The following DCTPP1 variants were observed in gnomAD, a reference collection of about 807,000 sequenced individuals.
The protein encoded by DCTPP1 is dCTP pyrophosphatase 1.
DCTPP1 carries 8 observed loss-of-function variants against 8.8 expected under a neutral mutation model. That is an observed-to-expected ratio of 0.91 (90% CI 0.54 to 1.64). The LOEUF (loss-of-function observed/expected upper bound fraction) is 1.64, where lower values mean the gene tolerates loss of function less well. Among genes scored for constraint, DCTPP1 ranks in the 40% most tolerant of loss-of-function variants. The pLI, the probability that DCTPP1 is intolerant of heterozygous loss-of-function variation, is 0.00. For synonymous variants in DCTPP1, 85 were observed against 92.1 expected (o/e 0.92, Z 0.44); for missense variants, 231 against 230.4 (o/e 1.00, Z -0.02).
At chr16:30,429,730 T>C in intron 1 of DCTPP1, 150 bp downstream of exon 1, 1 of 692,768 alleles carries the variant, frequency 1.4e-6, no homozygotes, top group Non-Finnish European at 2.3e-6. Flanking sequence ...ATTTTGCAGA[T>C]GAGGTAAGAA....
chr16:30,425,644 C>G (rs1262109965), intron 2 of DCTPP1, among the ~76,000 whole-genome samples: 1 of 152,130 alleles, frequency 6.6e-6, no homozygotes, highest in African/African-American at 2.4e-5. Flanking sequence ...AACCCCATCT[C>G]TACAGAAAAT....
Position 30,429,965 on chromosome 16 carries a change from C to T in DCTPP1, c.16G>A (p.Gly6Arg). 6.4e-7 allele frequency: 1 copy of T among 1,573,578 alleles called. No homozygotes were observed. The highest frequency in any genetic ancestry group is 8.6e-7 in the Non-Finnish European group (1 of 1,161,040). Residue 6 changes from glycine to arginine, a missense_variant, in exon 1 of 3, where the codon GGG (glycine) becomes AGG (arginine). By Grantham distance (125) the Gly-to-Arg change is moderately radical. Coordinates refer to ENST00000319285, the MANE Select transcript of DCTPP1 (RefSeq NM_024096.2). MSVAGGEIRGDTGGED... is the reference protein window; with the variant it reads MSVAGREIRGDTGGED... ...CCCCCCGTGTCCCCACGAATCTCCC[C>T]ACCGGCCACAGACATGCCGCCCACC... is the stretch of plus-strand genomic sequence containing the variant.
At chr16:30,427,761 G>A (rs1346891716) in intron 2 of DCTPP1, among the ~76,000 whole-genome samples, 10 of 152,176 alleles carry the variant, frequency 6.6e-5, no homozygotes, top group Admixed American at 6.5e-4. Context: ...GGGATGGTGA[G>A]GCAAGTGAAT....
Position 30,429,129 on chromosome 16 carries a change from C to T in DCTPP1, c.140G>A (p.Trp47Ter), listed in dbSNP as rs773357649. 2 of 1,614,042 alleles carry T rather than the reference C, an allele frequency of 1.2e-6. No individual in the cohort carries two copies. The highest frequency in any genetic ancestry group is 1.7e-6 in the Non-Finnish European group (2 of 1,179,980). Residue 47 changes from tryptophan to a stop codon, truncating the protein, a stop_gained, in exon 2 of 3, where the codon TGG (tryptophan) becomes TAG (stop). Transcript: ENST00000319285. LOFTEE classifies it high-confidence loss of function. ...ATTCCGAGGCTGATGGAACTGTTCC[C>T]AGTCTCGTTCCGCAGCAAACTCAGC... ...LHAEFAAERDWEQFHQPRNLL... is the reference protein window; with the variant it reads ...LHAEFAAERD
chr16:30,430,017 C>T lies in DCTPP1; in HGVS notation c.-37G>A. On this transcript the variant is annotated 5_prime_UTR_variant, in exon 1 of 3. Coordinates refer to ENST00000319285, the MANE Select transcript of DCTPP1 (RefSeq NM_024096.2). The stretch of plus-strand genomic sequence containing the variant: ...CTGCACCGCGACTTCACGGAAAACC[C>T]ACGAGCCACGCTCGAAGCCCCGCCT... 6 of 1,426,320 alleles carry T rather than the reference C, an allele frequency of 4.2e-6. No individual in the cohort carries two copies. Among genetic ancestry groups the T allele is most frequent in the Non-Finnish European group, 5.5e-6 (6 of 1,087,036 alleles). The allele number at this position is 1,426,320 out of a possible 1,614,324, so 88.4% of individuals were successfully genotyped here. A position where few individuals can be genotyped will look rare whatever the true frequency, so the allele number is the denominator to read the frequency against.
Position 30,429,086 on chromosome 16 carries a change from A to T in DCTPP1, c.183T>A (p.Val61=), listed in dbSNP as rs369795540. 1 of 1,613,764 alleles carries T rather than the reference A, an allele frequency of 6.2e-7. No homozygotes were observed. Among genetic ancestry groups the T allele is most frequent in the African/African-American group, 1.3e-5 (1 of 74,994 alleles). ...GTTCTGCCAGCTCCCCCACTTCCCCAACCAAGGCCAGGAGGAGATTCCGAG... is the reference window on the plus strand; with the variant it reads ...GTTCTGCCAGCTCCCCCACTTCCCCTACCAAGGCCAGGAGGAGATTCCGAG... ...HQPRNLLLAL[V]GEVGELAELF... is the part of the protein sequence containing the mutation. Residue 61 remains valine (V), a synonymous_variant, in exon 2 of 3, where the codon GTT becomes GTA. Transcript: ENST00000319285.
In DCTPP1 at chr16:30,429,961, T is replaced by TC; in HGVS notation, c.19dup (p.Glu7GlyfsTer34). 6.4e-7 allele frequency: 1 copy of TC among 1,572,690 alleles called. No homozygotes were observed. Among genetic ancestry groups the TC allele is most frequent in the Non-Finnish European group, 8.6e-7 (1 of 1,161,042 alleles). ...CTCTCCCCCCGTGTCCCCACGAATC[T>TC]CCCCACCGGCCACAGACATGCCGCC... On this transcript the variant is annotated frameshift_variant, in exon 1 of 3. Coordinates refer to ENST00000319285, the MANE Select transcript of DCTPP1 (RefSeq NM_024096.2). LOFTEE classifies it high-confidence loss of function.
chr16:30,427,184 G>A (rs1339588577), intron 2 of DCTPP1, among the ~76,000 whole-genome samples: 1 of 146,104 alleles, frequency 6.8e-6, no homozygotes, highest in Non-Finnish European at 1.5e-5. Flanking sequence ...TAATTTTTTT[G>A]TATTTTTAGT....
rs199517315 is a variant in DCTPP1, at chr16:30,424,421, G to A, written c.325C>T (p.Arg109Cys). The A allele has an allele frequency of 1.7e-5, 28 of 1,614,172 alleles. No individual in the cohort carries two copies. Among genetic ancestry groups the A allele is most frequent in the African/African-American group, 1.6e-4 (12 of 75,042 alleles). ...VLIYLVALAARCRVDLPLAVL... is the reference protein window; with the variant it reads ...VLIYLVALAACCRVDLPLAVL... ...GCTAGCGGCAGATCCACACGGCAGCGGGCTGCTAATGCCACCAGGTAGATG... is the reference window on the plus strand; with the variant it reads ...GCTAGCGGCAGATCCACACGGCAGCAGGCTGCTAATGCCACCAGGTAGATG... Residue 109 changes from arginine to cysteine, a missense_variant, in exon 3 of 3, where the codon CGC (arginine) becomes TGC (cysteine). Arg to Cys is a radical substitution (Grantham distance 180). Transcript: ENST00000319285.
chr16:30,424,627 C>T lies in DCTPP1; in HGVS notation c.213-94G>A, dbSNP rs1023703616. On this transcript the variant is annotated intron_variant, in intron 2 of 2. Coordinates refer to ENST00000319285, the MANE Select transcript of DCTPP1 (RefSeq NM_024096.2). Reference sequence around the variant, plus strand: ...CAGTAATAACACCCACCTCCAAGGACGACCTAACCAATCTGGGCCCTGGGA... The same window carrying T: ...CAGTAATAACACCCACCTCCAAGGATGACCTAACCAATCTGGGCCCTGGGA... 74 of 1,480,556 alleles carry T rather than the reference C, an allele frequency of 5.0e-5. No homozygotes were observed. In the Middle Eastern group the frequency reaches 7.4e-4, roughly 15 times the overall value. 91.7% of individuals were successfully genotyped at this position (1,480,556 alleles called of 1,614,324 possible).
chr16:30,426,214 C>T (rs1253924436), intron 2 of DCTPP1, among the ~76,000 whole-genome samples: 1 of 152,152 alleles, frequency 6.6e-6, no homozygotes, highest in East Asian at 1.9e-4. Flanking sequence ...CTTGCTCTGT[C>T]GCCCAGGCTG....
chr16:30,428,243 C>G (rs891782452), intron 2 of DCTPP1, among the ~76,000 whole-genome samples: 1 of 152,352 alleles, frequency 6.6e-6, no homozygotes, highest in East Asian at 1.9e-4. Flanking sequence ...ACTCATCCAA[C>G]GTGTGCCTAT....
At chr16:30,427,163 C>T (rs1475821736) in intron 2 of DCTPP1, among the ~76,000 whole-genome samples, 1 of 151,648 alleles carries the variant, frequency 6.6e-6, no homozygotes, top group Non-Finnish European at 1.5e-5. Flanking sequence ...GCGCCCGCCA[C>T]CACGCCCGGC....
intron 2 of DCTPP1, among the ~76,000 whole-genome samples, chr16:30,427,936 A>C (rs1254094450): frequency 6.6e-6 from 1 of 152,180 alleles, no homozygotes; most frequent in Middle Eastern, 3.2e-3. Flanking sequence ...CTGAGGCTTC[A>C]GTGAGCTATG....
chr16:30,429,504 C>A, intron 1 of DCTPP1: 1 of 416,848 alleles, frequency 2.4e-6, no homozygotes, highest in Non-Finnish European at 4.3e-6. Flanking sequence ...TTCCACAGAC[C>A]CTTCCTCTAA....
chr16:30,427,159 G>A (rs1462789199), intron 2 of DCTPP1, among the ~76,000 whole-genome samples: 2 of 151,346 alleles, frequency 1.3e-5, no homozygotes, highest in African/African-American at 2.4e-5. Context: ...ACAGGCGCCC[G>A]CCACCACGCC....
intron 1 of DCTPP1, chr16:30,429,631 C>T: frequency 2.0e-6 from 1 of 490,790 alleles, no homozygotes; most frequent in Non-Finnish European, 3.6e-6. Context: ...GTGCCGGTAT[C>T]TTCCCAGGGC....
At chr16:30,427,330 T>G (rs1482644743) in intron 2 of DCTPP1, among the ~76,000 whole-genome samples, 1 of 150,992 alleles carries the variant, frequency 6.6e-6, no homozygotes, top group Non-Finnish European at 1.5e-5. Flanking sequence ...TTTTTTTTTT[T>G]AAGGCAGAGT....
At position 30,424,255 on chromosome 16, in the gene DCTPP1, G is replaced by A; in HGVS notation, c.491C>T (p.Ser164Phe). The change falls in exon 3 of 3, where the codon TCC (serine) becomes TTC (phenylalanine). Residue 164 changes from serine to phenylalanine, a missense_variant. Transcript: ENST00000319285. ...AVGPADIPCDSTGQTST is the reference protein window; with the variant it reads ...AVGPADIPCDFTGQTST ...TTTCTAGGTTGAGGTCTGGCCTGTG[G>A]AGTCACAGGGAATGTCCGCAGGCCC... The A allele has an allele frequency of 6.2e-7, 1 of 1,614,176 alleles. No individual in the cohort carries two copies. The highest frequency in any genetic ancestry group is 8.5e-7 in the Non-Finnish European group (1 of 1,180,018).
Sources: allele counts gnomAD v4.1 joint callset (sites outside exome capture counted in the v4.1 genomes callset), GRCh38; gene constraint gnomAD v4.1.1; transcripts MANE v1.5; gene names NCBI Gene and HGNC (gene_info 2026-07-23, HGNC 2026-07-21).